Variants in NR3C2 observed in about 807,000 individuals in gnomAD.
The protein encoded by NR3C2 is nuclear receptor subfamily 3 group C member 2.
Under a neutral mutation model 86.4 loss-of-function variants are expected in NR3C2, and 15 were observed. That is an observed-to-expected ratio of 0.17 (90% CI 0.12 to 0.27). NR3C2 has a LOEUF of 0.27. Ranked by LOEUF, NR3C2 falls within the 10% of genes least tolerant of loss-of-function variation. The pLI is 1.00. For missense variants in NR3C2, 960 were observed against 1,195.6 expected (o/e 0.80, Z 2.91); for synonymous variants, 458 against 450.5 (o/e 1.02, Z -0.21).
chr4:148,214,459 T>A (rs1737427010), intron 3 of NR3C2, among the ~76,000 whole-genome samples: 1 of 152,122 alleles, frequency 6.6e-6, no homozygotes, highest in African/African-American at 2.4e-5. Flanking sequence ...AAAACAAAAA[T>A]AAAAATTTTC....
chr4:148,242,302 G>A (rs1739093891), intron 3 of NR3C2, among the ~76,000 whole-genome samples: 2 of 152,170 alleles, frequency 1.3e-5, no homozygotes, highest in Admixed American at 1.3e-4. Flanking sequence ...TGGTGGGGAT[G>A]GAGGAAGGGT....
At chr4:148,186,402 ATTGT>A (rs1218669014) in intron 4 of NR3C2, among the ~76,000 whole-genome samples, 12 of 151,992 alleles carry the variant, frequency 7.9e-5, no homozygotes, top group African/African-American at 2.7e-4. Context: ...CCAGTTTCAT[ATTGT>A]TTAAGGCCTT....
At chr4:148,337,122 G>C (rs1579176092) in intron 2 of NR3C2, among the ~76,000 whole-genome samples, 1 of 152,100 alleles carries the variant, frequency 6.6e-6, no homozygotes, top group Non-Finnish European at 1.5e-5. Context: ...TAATATTATG[G>C]AGAAAAAAGG....
chr4:148,141,874 CCA>C (rs1401617769), intron 6 of NR3C2, among the ~76,000 whole-genome samples: 1 of 152,110 alleles, frequency 6.6e-6, no homozygotes, highest in Non-Finnish European at 1.5e-5. Flanking sequence ...GAAACCATCC[CCA>C]CACCCTGCCA....
At position 148,307,394 on chromosome 4, in the gene NR3C2, ATAAGT is replaced by A. The variant is rs201990144; in HGVS notation, c.1758-47282_1758-47278del. On this transcript the variant is annotated intron_variant, in intron 2 of 8. Coordinates refer to ENST00000358102, the MANE Select transcript of NR3C2 (RefSeq NM_000901.5). ...ATATTTTAGGATTTTCAACAGAATC[ATAAGT>A]TATGTTCAAAGTATTAACTCATAGA... Among the ~76,000 whole-genome samples the A allele has an allele frequency of 5.2e-4, 79 of 152,360 alleles. 1 individual carries two copies. In the East Asian group the frequency reaches 0.015, roughly 29 times the overall value.
At chr4:148,249,229 C>G (rs17024512) in intron 3 of NR3C2, among the ~76,000 whole-genome samples, 4,686 of 151,964 alleles carry the variant, frequency 0.031, 228 homozygotes, top group African/African-American at 0.1. Flanking sequence ...CCTAGGTCTT[C>G]CTTTCAAATT....
intron 2 of NR3C2, among the ~76,000 whole-genome samples, chr4:148,274,782 C>T (rs1315884484): frequency 2.0e-5 from 3 of 150,956 alleles, no homozygotes; most frequent in Non-Finnish European, 4.4e-5. Flanking sequence ...ACTGCAATCT[C>T]CACCTCCTGG....
intron 3 of NR3C2, chr4:148,200,894 T>A (rs1290576569): frequency 6.6e-6 from 1 of 151,638 alleles, no homozygotes; most frequent in African/African-American, 2.4e-5. Flanking sequence ...CACTTCTAAA[T>A]CAAATGATTC....
At chr4:148,155,570 C>A (rs1251532884) in intron 4 of NR3C2, among the ~76,000 whole-genome samples, 2 of 152,080 alleles carry the variant, frequency 1.3e-5, no homozygotes, top group Non-Finnish European at 2.9e-5. Context: ...TGTGAAGGAC[C>A]TCTTCAAGGA....
intron 4 of NR3C2, among the ~76,000 whole-genome samples, chr4:148,174,379 G>A (rs924217068): frequency 1.3e-5 from 2 of 152,176 alleles, no homozygotes; most frequent in Non-Finnish European, 2.9e-5. Flanking sequence ...ATCTAAAAAA[G>A]TTCAATGGCA....
intron 3 of NR3C2, among the ~76,000 whole-genome samples, chr4:148,246,448 T>C (rs1437964331): frequency 6.6e-6 from 1 of 152,240 alleles, no homozygotes; most frequent in Non-Finnish European, 1.5e-5. Flanking sequence ...AGGTATCATA[T>C]CCACAAGTAT....
chr4:148,086,863 C>T (rs747745794), intron 8 of NR3C2, among the ~76,000 whole-genome samples: 19 of 152,164 alleles, frequency 1.2e-4, no homozygotes, highest in Non-Finnish European at 2.2e-4. Flanking sequence ...CTTCGAAAAC[C>T]GGCACAATAC....
At chr4:148,391,352 T>A (rs1313279157) in intron 2 of NR3C2, among the ~76,000 whole-genome samples, 1 of 152,228 alleles carries the variant, frequency 6.6e-6, no homozygotes, top group East Asian at 1.9e-4. Flanking sequence ...AAGGTTTTCT[T>A]AATTTTAGAA....
At chr4:148,114,301 A>G (rs758754724) in intron 7 of NR3C2, 40 bp from the exon 8 acceptor site, 7 of 1,609,588 alleles carry the variant, frequency 4.3e-6, no homozygotes, top group Non-Finnish European at 5.9e-6. Flanking sequence ...TCCAGGATGG[A>G]AAACAACTTT....
chr4:148,443,013 G>C (rs1750428644), upstream of NR3C2: 9 of 982,908 alleles, frequency 9.2e-6, no homozygotes, highest in Non-Finnish European at 1.1e-5. Flanking sequence ...CGCGCGGGGA[G>C]GACTCTGGGT....
chr4:148,293,393 C>T (rs925751220), intron 2 of NR3C2, among the ~76,000 whole-genome samples: 9 of 152,082 alleles, frequency 5.9e-5, no homozygotes, highest in African/African-American at 9.7e-5. Context: ...GTTCTGTGAA[C>T]GTTTTAAAAA....
intron 3 of NR3C2, among the ~76,000 whole-genome samples, chr4:148,212,728 C>T (rs760234385): frequency 1.7e-4 from 26 of 152,266 alleles, no homozygotes; most frequent in Non-Finnish European, 2.8e-4. Context: ...TACTGGTCTG[C>T]AACGGGCAGA....
intron 2 of NR3C2, among the ~76,000 whole-genome samples, chr4:148,357,141 G>C (rs1745587863): frequency 6.6e-6 from 1 of 152,150 alleles, no homozygotes. Context: ...AGTGGGGTGT[G>C]TGTTCCAAGG....
intron 2 of NR3C2, 43 bp downstream of exon 2, chr4:148,435,061 T>C (rs370593852): frequency 1.8e-5 from 28 of 1,578,884 alleles, no homozygotes; most frequent in Non-Finnish European, 2.4e-5. Context: ...CTTCAACATG[T>C]ATAAAGCCAT....
Sources: allele counts gnomAD v4.1 joint callset (sites outside exome capture counted in the v4.1 genomes callset), GRCh38; gene constraint gnomAD v4.1.1; transcripts MANE v1.5; gene names NCBI Gene and HGNC (gene_info 2026-07-23, HGNC 2026-07-21).